SOX6: variants seen among roughly 807,000 people sequenced by gnomAD.
SOX6 encodes the protein transcription factor SOX-6.
Under a neutral mutation model 97.8 loss-of-function variants are expected in SOX6, and 11 were observed. The observed-to-expected ratio is 0.11, with a 90% CI of 0.07 to 0.19. The LOEUF (loss-of-function observed/expected upper bound fraction) is 0.19. Among genes scored for constraint, SOX6 ranks in the 10% least tolerant of loss-of-function variants. SOX6 has a pLI of 1.00. For synonymous variants in SOX6, 360 were observed against 371.4 expected (o/e 0.97, Z 0.35); for missense variants, 810 against 1,039.5 (o/e 0.78, Z 3.04).
chr11:16,139,038 T>G (rs1164532158), intron 6 of SOX6, among the ~76,000 whole-genome samples: 2 of 152,202 alleles, frequency 1.3e-5, no homozygotes, highest in African/African-American at 2.4e-5. Context: ...TTCCTTATGA[T>G]TAGATTCAGG....
Position 15,973,017 on chromosome 11 carries a change from G to A in SOX6, c.2279C>T (p.Ser760Phe). The change falls in exon 16 of 16, where the codon TCT becomes TTT. Residue 760 changes from serine (S) to phenylalanine (F), a missense_variant. Physicochemically the swap from Ser to Phe is radical, Grantham distance 155. This residue lies in a region of SOX6 where 122 missense variants were observed against 153.4 expected (regional missense o/e 0.80). Transcript: ENST00000683767. ...GCTGGCCGAGGTGCTAGAGCAGTCA[G>A]ATGTCATCTGAGGCGATGGTGTGGT... Reference protein sequence around the residue: ...ATTTPSPQMTSDCSSTSASPE... With the variant: ...ATTTPSPQMTFDCSSTSASPE... 1 of 1,614,192 alleles carries A rather than the reference G, an allele frequency of 6.2e-7. No homozygotes were observed. The highest frequency in any genetic ancestry group is 8.5e-7 in the Non-Finnish European group (1 of 1,180,022).
intron 4 of SOX6, among the ~76,000 whole-genome samples, chr11:16,587,969 T>G (rs2133971024): frequency 6.6e-6 from 1 of 152,294 alleles, no homozygotes; most frequent in South Asian, 2.1e-4. Flanking sequence ...AACACTTCCT[T>G]CCTTTCTAAA....
intron 6 of SOX6, among the ~76,000 whole-genome samples, chr11:16,146,875 A>G (rs1293840567): frequency 6.6e-6 from 1 of 152,208 alleles, no homozygotes; most frequent in Non-Finnish European, 1.5e-5. Flanking sequence ...GAGGATGTGG[A>G]GAAATAGGAA....
rs184920613 is a variant in SOX6 at position 16,730,997 on chromosome 11, G to A, written n.353+5342C>T. Among the ~76,000 whole-genome samples the A allele has an allele frequency of 7.7e-3, 1,169 of 152,220 alleles. 14 individuals are homozygous for A. Among genetic ancestry groups the A allele is most frequent in the African/African-American group, 0.027 (1,115 of 41,526 alleles). On this transcript the variant is annotated intron_variant and non_coding_transcript_variant, in intron 2 of 5. Coordinates refer to the SOX6 transcript ENST00000524520. ...CTACATAAATAAACTAGAAAATCTA[G>A]AAGAAATGGATAAATTCCTGGACAG...
intron 3 of SOX6, among the ~76,000 whole-genome samples, chr11:16,637,159 T>G (rs192303590): frequency 7.0e-4 from 106 of 152,328 alleles, no homozygotes; most frequent in African/African-American, 2.5e-3. Flanking sequence ...TTTATATTCT[T>G]AATTTATTTC....
At chr11:16,528,422 G>T (rs1861197536) in intron 4 of SOX6, among the ~76,000 whole-genome samples, 2 of 152,048 alleles carry the variant, frequency 1.3e-5, no homozygotes, top group South Asian at 4.1e-4. Flanking sequence ...GTTATTCAGA[G>T]GGTGTGTGAA....
intron 13 of SOX6, among the ~76,000 whole-genome samples, chr11:15,996,762 C>A (rs1854239013): frequency 6.6e-6 from 1 of 151,828 alleles, no homozygotes. Flanking sequence ...ACTGAGGGAA[C>A]AAATACAAGT....
At chr11:16,249,827 C>T (rs757775653) in intron 3 of SOX6, among the ~76,000 whole-genome samples, 31 of 152,312 alleles carry the variant, frequency 2.0e-4, no homozygotes, top group Admixed American at 7.2e-4. Context: ...ACAGTTATTT[C>T]ATACAGTTGA....
rs116748319 is a variant in SOX6, at chr11:16,425,386, G to T, written c.-5+50929C>A. ...CACTGTTCTAGTTGCTGAGGATACA[G>T]CTTCAAACAAAATAAGGTCTCTGCA... On this transcript the variant is annotated intron_variant, in intron 1 of 15. Transcript: ENST00000396356. Among the ~76,000 whole-genome samples the T allele has an allele frequency of 9.1e-3, 1,384 of 152,276 alleles. 28 individuals carry two copies. Among genetic ancestry groups the T allele is most frequent in the African/African-American group, 0.032 (1,319 of 41,558 alleles).
chr11:16,173,532 T>C (rs1332347670), intron 6 of SOX6, among the ~76,000 whole-genome samples: 1 of 151,536 alleles, frequency 6.6e-6, no homozygotes, highest in Non-Finnish European at 1.5e-5. Context: ...CTTTGAGTAT[T>C]AAAATTATTT....
intron 1 of SOX6, among the ~76,000 whole-genome samples, chr11:16,465,387 AT>A (rs1199833473): frequency 2.6e-5 from 4 of 152,186 alleles, no homozygotes; most frequent in Non-Finnish European, 5.9e-5. Flanking sequence ...AGATATCAAA[AT>A]ATGTGAGATC....
Position 16,271,725 on chromosome 11 carries a change from T to C in SOX6, c.446-37054A>G, listed in dbSNP as rs192630616. On this transcript the variant is annotated intron_variant, in intron 3 of 15. Coordinates refer to ENST00000683767, the MANE Select transcript of SOX6 (RefSeq NM_001367873.1). ...GTCATTTTACTTTTGTCACTCAATA[T>C]TTTGCGTGTTTATGTTTTTGTTTTC... 2.3e-3 allele frequency among the ~76,000 whole-genome samples: 342 copies of C among 151,514 alleles called. 1 individual carries two copies. The highest frequency in any genetic ancestry group is 8.0e-3 in the African/African-American group (333 of 41,522).
intron 9 of SOX6, among the ~76,000 whole-genome samples, chr11:16,081,906 C>T (rs937193181): frequency 2.0e-5 from 3 of 152,130 alleles, no homozygotes; most frequent in Non-Finnish European, 4.4e-5. Flanking sequence ...TCCACATTAT[C>T]GGCATACAAA....
At chr11:16,588,677 A>T (rs897259587) in intron 4 of SOX6, among the ~76,000 whole-genome samples, 5 of 152,068 alleles carry the variant, frequency 3.3e-5, no homozygotes, top group Non-Finnish European at 7.4e-5. Flanking sequence ...AATGACTCAA[A>T]CTGCTTTGCC....
chr11:15,972,031 C>A lies in SOX6; in HGVS notation c.*778G>T, dbSNP rs980794621. The A allele has an allele frequency of 6.6e-6, 1 of 152,532 alleles. No individual in the cohort carries two copies. The highest frequency in any genetic ancestry group is 1.5e-5 in the Non-Finnish European group (1 of 68,094). 9.4% of individuals were successfully genotyped at this position (152,532 alleles called of 1,614,324 possible). ...CATACCACATCACGCACTGATGGCACGTCAACAGGCAAACACAATTGGGTC... is the reference window on the plus strand; with the variant it reads ...CATACCACATCACGCACTGATGGCAAGTCAACAGGCAAACACAATTGGGTC... On this transcript the variant is annotated 3_prime_UTR_variant, in exon 16 of 16. Transcript: ENST00000683767.
intron 3 of SOX6, among the ~76,000 whole-genome samples, chr11:16,685,774 G>A (rs1301734179): frequency 6.6e-6 from 1 of 152,278 alleles, no homozygotes; most frequent in Non-Finnish European, 1.5e-5. Flanking sequence ...GGGACTCTGT[G>A]TTGGGGTTCT....
chr11:16,360,862 G>T (rs1216885516), upstream of SOX6, among the ~76,000 whole-genome samples: 1 of 151,956 alleles, frequency 6.6e-6, no homozygotes, highest in Non-Finnish European at 1.5e-5. Flanking sequence ...AGTTGGCCGG[G>T]CATGGTGGCA....
At chr11:16,521,900 G>C (rs1025552452) in intron 4 of SOX6, among the ~76,000 whole-genome samples, 3 of 152,160 alleles carry the variant, frequency 2.0e-5, no homozygotes, top group Non-Finnish European at 4.4e-5. Flanking sequence ...TGAAACGAAT[G>C]AAATGAAGCG....
intron 4 of SOX6, among the ~76,000 whole-genome samples, chr11:16,211,444 TGAG>T (rs1476527777): frequency 1.3e-4 from 15 of 116,972 alleles, no homozygotes; most frequent in Middle Eastern, 8.5e-3. Context: ...CTGGATAATT[TGAG>T]GAGAGTTAAA....
Sources: allele counts gnomAD v4.1 joint callset (sites outside exome capture counted in the v4.1 genomes callset), GRCh38; gene constraint gnomAD v4.1.1; regional missense constraint gnomAD v4.1.1; transcripts MANE v1.5; gene names NCBI Gene and HGNC (gene_info 2026-07-23, HGNC 2026-07-21).